The following SLC30A9 variants were observed in gnomAD, a reference collection of about 807,000 sequenced individuals.
SLC30A9 encodes the protein proton-coupled zinc antiporter SLC30A9, mitochondrial.
Under a neutral mutation model 87.5 loss-of-function variants are expected in SLC30A9, and 58 were observed. The ratio of observed to expected loss-of-function variants is 0.66; its 90% CI spans 0.54 to 0.82. The LOEUF is 0.82. Ranked by LOEUF, SLC30A9 falls within the 40% of genes least tolerant of loss-of-function variation. The pLI, the probability that SLC30A9 is intolerant of heterozygous loss-of-function variation, is 0.00. For synonymous variants in SLC30A9, 234 were observed against 233.0 expected, an observed-to-expected ratio of 1.00 and a Z score of -0.04; for missense variants, 557 against 679.1, an observed-to-expected ratio of 0.82 and a Z score of 2.00.
chr4:42,007,720 G>C (rs4861152), intron 2 of SLC30A9, among the ~76,000 whole-genome samples: 38,152 of 152,064 alleles, frequency 0.25, 6,972 homozygotes, highest in African/African-American at 0.52. Flanking sequence ...TCGCGCCACT[G>C]CACTCCAGCC....
intron 8 of SLC30A9, among the ~76,000 whole-genome samples, chr4:42,044,386 C>CAAAAAAAAAAAAAA (rs57572080): frequency 5.1e-5 from 5 of 98,732 alleles, no homozygotes; most frequent in African/African-American, 2.2e-4. Context: ...AAATGGAAAG[C>CAAAAAAAAAAAAAA]AAAAAAAAAA....
At chr4:42,042,099 A>C (rs1716945853) in intron 8 of SLC30A9, among the ~76,000 whole-genome samples, 1 of 152,172 alleles carries the variant, frequency 6.6e-6, no homozygotes, top group Non-Finnish European at 1.5e-5. Context: ...CTACACCGCC[A>C]GGGCCTTGGG....
chr4:41,993,894 T>A lies in SLC30A9; in HGVS notation c.109+3134T>A, dbSNP rs557109943. On this transcript the variant is annotated intron_variant, in intron 1 of 17. Transcript: ENST00000264451. ...ATTCAGGGCTGGGTGTGTTGGCTCA[T>A]GTCTGTAATCCCAACACTTTGGGAG... is the stretch of plus-strand genomic sequence containing the variant. 5.9e-5 allele frequency among the ~76,000 whole-genome samples: 9 copies of A among 152,294 alleles called. No homozygotes were observed. The South Asian group carries it at 1.9e-3, about 32-fold the overall frequency.
intron 6 of SLC30A9, among the ~76,000 whole-genome samples, chr4:42,032,955 G>T (rs1716510178): frequency 6.6e-6 from 1 of 152,138 alleles, no homozygotes; most frequent in Non-Finnish European, 1.5e-5. Flanking sequence ...CACACATAGA[G>T]AATAAAGTGT....
At chr4:42,081,960 G>A (rs905524341) in intron 17 of SLC30A9, among the ~76,000 whole-genome samples, 1 of 152,178 alleles carries the variant, frequency 6.6e-6, no homozygotes, top group Non-Finnish European at 1.5e-5. Flanking sequence ...GCTCATGCCT[G>A]TAATCCCAGC....
intron 6 of SLC30A9, among the ~76,000 whole-genome samples, chr4:42,025,466 C>G (rs1416244202): frequency 6.6e-6 from 1 of 152,088 alleles, no homozygotes; most frequent in Non-Finnish European, 1.5e-5. Context: ...TTCAGCTAAC[C>G]TAGTCAGGAG....
chr4:42,007,896 C>T (rs1050048792), intron 2 of SLC30A9, among the ~76,000 whole-genome samples: 7 of 152,224 alleles, frequency 4.6e-5, no homozygotes, highest in Non-Finnish European at 8.8e-5. Flanking sequence ...TCATTTTTCA[C>T]GTAACAAGTG....
intron 8 of SLC30A9, among the ~76,000 whole-genome samples, chr4:42,047,003 G>A (rs957682875): frequency 6.6e-6 from 1 of 152,212 alleles, no homozygotes; most frequent in Non-Finnish European, 1.5e-5. Flanking sequence ...TTAATAAATG[G>A]TGCTGGGAAA....
At chr4:42,076,018 A>G (rs1447866733) in intron 16 of SLC30A9, among the ~76,000 whole-genome samples, 1 of 152,112 alleles carries the variant, frequency 6.6e-6, no homozygotes, top group African/African-American at 2.4e-5. Flanking sequence ...TTTTTATCTA[A>G]TTTACCCTCA....
At chr4:42,065,182 A>G in intron 11 of SLC30A9, 128 bp from the exon 12 acceptor site, 1 of 639,368 alleles carries the variant, frequency 1.6e-6, no homozygotes, top group South Asian at 1.6e-5. Context: ...GTTGTTTCCC[A>G]TTAGTAACCT....
chr4:41,991,926 CA>C (rs1382297779), intron 1 of SLC30A9, among the ~76,000 whole-genome samples: 1 of 152,090 alleles, frequency 6.6e-6, no homozygotes, highest in African/African-American at 2.4e-5. Context: ...CTTAGAATTT[CA>C]AACGGATAAA....
chr4:41,997,776 CT>C (rs1267612452), intron 1 of SLC30A9, among the ~76,000 whole-genome samples: 3 of 152,108 alleles, frequency 2.0e-5, no homozygotes, highest in African/African-American at 7.2e-5. Flanking sequence ...ACTTAATAAC[CT>C]CTTTAAAAGG....
intron 17 of SLC30A9, among the ~76,000 whole-genome samples, chr4:42,083,268 C>T (rs73812714): frequency 0.039 from 5,944 of 152,246 alleles, 153 homozygotes; most frequent in African/African-American, 0.046. Flanking sequence ...CTTTAACTCT[C>T]TGCAAGTATT....
At chr4:42,059,391 A>G (rs1232349523) in intron 9 of SLC30A9, among the ~76,000 whole-genome samples, 1 of 152,190 alleles carries the variant, frequency 6.6e-6, no homozygotes, top group Non-Finnish European at 1.5e-5. Flanking sequence ...GAGAAGTTCC[A>G]GTGGATAACT....
At position 41,990,735 on chromosome 4, in the gene SLC30A9, G is replaced by C. The variant is rs16853872; in HGVS notation, c.84G>C (p.Ala28=). ...LCRLRLRCRA[A]ACNPSDRQEW... is the part of the protein sequence containing the mutation. The stretch of plus-strand genomic sequence containing the variant: ...GGCTCCGTCTGCGATGCAGGGCGGC[G>C]GCCTGTAATCCCAGCGACCGCCAGG... The change falls in exon 1 of 18, where the codon GCG becomes GCC. Residue 28 remains alanine (A), a synonymous_variant. Coordinates refer to ENST00000264451, the MANE Select transcript of SLC30A9 (RefSeq NM_006345.4). The C allele has an allele frequency of 0.026, 42,209 of 1,611,134 alleles. 653 individuals carry two copies. The highest frequency in any genetic ancestry group is 0.042 in the Middle Eastern group (245 of 5,902).
At chr4:42,022,357 A>G (rs955223303) in intron 4 of SLC30A9, among the ~76,000 whole-genome samples, 2 of 149,194 alleles carry the variant, frequency 1.3e-5, no homozygotes, top group African/African-American at 4.9e-5. Flanking sequence ...CCTCCTGAGT[A>G]GCTGGGATTA....
intron 6 of SLC30A9, among the ~76,000 whole-genome samples, chr4:42,024,675 C>T (rs1270610685): frequency 1.3e-5 from 2 of 152,118 alleles, no homozygotes; most frequent in African/African-American, 4.8e-5. Context: ...TTTACATTTA[C>T]AATCACAGTG....
In SLC30A9 at chr4:42,046,656, G is replaced by A. The variant is rs34965466; in HGVS notation, c.738-2721G>A. Among the ~76,000 whole-genome samples, 768 of 152,144 alleles carry A rather than the reference G, an allele frequency of 5.0e-3. 3 individuals carry two copies. The highest frequency in any genetic ancestry group is 5.9e-3 in the Non-Finnish European group (403 of 67,982). On this transcript the variant is annotated intron_variant, in intron 8 of 17. Coordinates refer to ENST00000264451, the MANE Select transcript of SLC30A9 (RefSeq NM_006345.4). ...AATATCATGAAAATGGCCGTACTGC[G>A]CAAAGTAATTAATGGAATCAATGAT...
chr4:42,072,740 A>G (rs1718361005), intron 15 of SLC30A9, among the ~76,000 whole-genome samples: 1 of 150,576 alleles, frequency 6.6e-6, no homozygotes, highest in Non-Finnish European at 1.5e-5. Flanking sequence ...TGTTCTGTAG[A>G]TGTTTGTTAG....
Sources: gnomAD v4.1 joint callset for allele counts (sites outside exome capture counted in the v4.1 genomes callset) on GRCh38, gnomAD v4.1.1 for gene constraint, MANE v1.5 for transcripts, NCBI Gene and HGNC (gene_info 2026-07-23, HGNC 2026-07-21) for gene names.